Variants in ZMYM2 observed in about 807,000 individuals in gnomAD.
ZMYM2 encodes zinc finger MYM-type containing 2.
ZMYM2 carries 56 observed loss-of-function variants against 162.8 expected under a neutral mutation model. The ratio of observed to expected loss-of-function variants is 0.34; its 90% CI spans 0.28 to 0.43. The LOEUF (loss-of-function observed/expected upper bound fraction) is 0.43, where lower values mean the gene tolerates loss of function less well. ZMYM2 is among the 20% of genes least tolerant of loss of function. ZMYM2 has a pLI of 1.00. For synonymous variants in ZMYM2, 510 were observed against 541.6 expected (o/e 0.94, Z 0.81); for missense variants, 1,275 against 1,621.8 (o/e 0.79, Z 3.67).
chr13:19,994,453 G>A (rs1369297781), intron 3 of ZMYM2, among the ~76,000 whole-genome samples: 1 of 152,164 alleles, frequency 6.6e-6, no homozygotes, highest in Admixed American at 6.5e-5. Flanking sequence ...TAATATAATA[G>A]CACACTTAAA....
At chr13:19,919,493 C>T in the ZMYM2 span, among the ~76,000 whole-genome samples, 2 of 152,020 alleles carry the variant, frequency 1.3e-5, no homozygotes, top group African/African-American at 4.8e-5. Flanking sequence ...TTTTCTCTGC[C>T]TTCTCACCAT....
chr13:19,946,200 T>C, the ZMYM2 span, among the ~76,000 whole-genome samples: 2 of 152,174 alleles, frequency 1.3e-5, no homozygotes, highest in African/African-American at 4.8e-5. Context: ...TGGCCAGGGT[T>C]ATATGCTTAA....
At chr13:19,897,070 C>A in the ZMYM2 span, among the ~76,000 whole-genome samples, 1 of 115,784 alleles carries the variant, frequency 8.6e-6, no homozygotes, top group Non-Finnish European at 1.8e-5. Flanking sequence ...GAGACTCTGC[C>A]TCAAAAAAAA....
At chr13:20,078,524 T>C (rs368132793) in intron 21 of ZMYM2, among the ~76,000 whole-genome samples, 2 of 152,354 alleles carry the variant, frequency 1.3e-5, no homozygotes, top group South Asian at 2.1e-4. Flanking sequence ...ATATCTAAAA[T>C]ACATGCTTTT....
the ZMYM2 span, among the ~76,000 whole-genome samples, chr13:19,914,466 C>T: frequency 6.6e-6 from 1 of 152,194 alleles, no homozygotes; most frequent in African/African-American, 2.4e-5. Flanking sequence ...CACTGAGTGC[C>T]CAATCTGCCA....
the ZMYM2 span, among the ~76,000 whole-genome samples, chr13:19,934,716 C>T: frequency 6.6e-6 from 1 of 151,982 alleles, no homozygotes; most frequent in African/African-American, 2.4e-5. Context: ...AGATTTCTCT[C>T]TCTCTTTATT....
intron 24 of ZMYM2, 56 bp from the exon 25 acceptor site, chr13:20,085,766 A>C (rs1290847986): frequency 1.3e-6 from 2 of 1,523,254 alleles, no homozygotes; most frequent in East Asian, 4.5e-5. Context: ...AAAAAAGAAA[A>C]AGTTGTGGAA....
rs1460026458 is a variant in ZMYM2, at chr13:20,062,967, C to T, written c.3033C>T (p.Pro1011=). The change falls in exon 18 of 25, where the codon CCC becomes CCT. Residue 1011 remains proline, a synonymous_variant. Transcript: ENST00000610343. ...EPDLDIEIDF[P]RAAEELDMEN... is the part of the protein sequence containing the mutation. Reference sequence around the variant, plus strand: ...ATTTGGATATCGAAATAGATTTTCCCAGAGGTACTCAAAACCTTTATGACT... The same window carrying T: ...ATTTGGATATCGAAATAGATTTTCCTAGAGGTACTCAAAACCTTTATGACT... The T allele has an allele frequency of 3.8e-6, 6 of 1,598,204 alleles. No homozygotes were observed. The highest frequency in any genetic ancestry group is 5.1e-6 in the Non-Finnish European group (6 of 1,172,016).
chr13:19,967,274 G>A (rs1280421579), intron 2 of ZMYM2, among the ~76,000 whole-genome samples: 1 of 152,096 alleles, frequency 6.6e-6, no homozygotes, highest in African/African-American at 2.4e-5. Flanking sequence ...CGTGAATTTG[G>A]TGAGATCATG....
chr13:20,029,333 C>T (rs73440144), intron 9 of ZMYM2, among the ~76,000 whole-genome samples: 3,130 of 152,286 alleles, frequency 0.021, 105 homozygotes, highest in African/African-American at 0.072. Flanking sequence ...GTCTGATCAC[C>T]TTTTCAAAGC....
At chr13:19,899,097 C>T in the ZMYM2 span, among the ~76,000 whole-genome samples, 5 of 151,846 alleles carry the variant, frequency 3.3e-5, no homozygotes, top group Non-Finnish European at 5.9e-5. Context: ...GGATTACAGG[C>T]GCGTGCCACC....
intron 6 of ZMYM2, among the ~76,000 whole-genome samples, chr13:20,007,246 C>T (rs964867542): frequency 3.3e-5 from 5 of 152,048 alleles, no homozygotes; most frequent in African/African-American, 1.2e-4. Context: ...AGTGATTCTC[C>T]TGCCTCAGCC....
chr13:19,870,492 C>T, the ZMYM2 span, among the ~76,000 whole-genome samples: 2 of 150,196 alleles, frequency 1.3e-5, no homozygotes, highest in African/African-American at 4.9e-5. Context: ...CCCTCCTTTC[C>T]CTTCCCTTCC....
rs756059143 is a variant in ZMYM2, at chr13:20,062,832, T to C, written c.2912-14T>C. ...TCTGTTTTGATTCCTAATGATAATA[T>C]GGATTGATTTCAGGTGTAATTATTG... On this transcript the variant is annotated splice_polypyrimidine_tract_variant and intron_variant, in intron 17 of 24. Coordinates refer to ENST00000610343, the MANE Select transcript of ZMYM2 (RefSeq NM_197968.4). The C allele has an allele frequency of 3.9e-6, 6 of 1,549,780 alleles. No homozygotes were observed. In the Admixed American group the frequency reaches 8.1e-5, roughly 21 times the overall value.
chr13:20,058,463 C>G, intron 14 of ZMYM2, 112 bp from the exon 15 acceptor site: 1 of 1,303,040 alleles, frequency 7.7e-7, no homozygotes, highest in South Asian at 1.5e-5. Flanking sequence ...ATTTGGTTAT[C>G]CTCTTCTGCT....
chr13:20,079,148 G>A (rs976831774), intron 21 of ZMYM2, among the ~76,000 whole-genome samples: 13 of 151,080 alleles, frequency 8.6e-5, no homozygotes, highest in Non-Finnish European at 1.8e-4. Flanking sequence ...GTGAAACCCC[G>A]TCTCTACTAA....
chr13:19,973,688 A>C lies in ZMYM2; in HGVS notation c.-11+13662A>C, dbSNP rs971922613. ...TCCATCTCAAAAAAAAAAAAAAAAA[A>C]ACACCAAAAAACAAAACAAAAAACA... On this transcript the variant is annotated intron_variant, in intron 2 of 24. Transcript: ENST00000610343. Among the ~76,000 whole-genome samples the C allele has an allele frequency of 5.4e-5, 8 of 148,232 alleles. No individual in the cohort carries two copies. The East Asian group carries it at 5.8e-4, about 11-fold the overall frequency.
the ZMYM2 span, among the ~76,000 whole-genome samples, chr13:19,951,099 A>G: frequency 6.6e-6 from 1 of 152,212 alleles, no homozygotes; most frequent in African/African-American, 2.4e-5. Context: ...TAATTCTTCC[A>G]GTGTGGGCCA....
intron 2 of ZMYM2, among the ~76,000 whole-genome samples, chr13:19,986,548 G>A (rs1403977185): frequency 1.3e-5 from 2 of 151,764 alleles, no homozygotes; most frequent in Non-Finnish European, 2.9e-5. Flanking sequence ...TTTCAGATAA[G>A]TCCTTTAGTT....
Sources: gnomAD v4.1 joint callset for allele counts (sites outside exome capture counted in the v4.1 genomes callset) on GRCh38, gnomAD v4.1.1 for gene constraint, MANE v1.5 for transcripts, NCBI Gene and HGNC (gene_info 2026-07-23, HGNC 2026-07-21) for gene names.